SEPTIN10: variants seen among roughly 807,000 people sequenced by gnomAD.
SEPTIN10 encodes septin 10, also known as septin-10.
A neutral mutation model predicts 54.8 loss-of-function variants in SEPTIN10; 66 were observed. That is an observed-to-expected ratio of 1.21 (90% confidence interval 0.99 to 1.48). The LOEUF (loss-of-function observed/expected upper bound fraction) is 1.48, where lower values mean the gene tolerates loss of function less well. Among genes scored for constraint, SEPTIN10 ranks in the 40% most tolerant of loss-of-function variants. The pLI is 0.00. For missense variants in SEPTIN10, 620 were observed against 545.6 expected (o/e 1.14, Z -1.36); for synonymous variants, 161 against 181.0 (o/e 0.89, Z 0.89).
At chr2:109,593,534 T>C (rs1353310790) in intron 1 of SEPTIN10, among the ~76,000 whole-genome samples, 1 of 151,478 alleles carries the variant, frequency 6.6e-6, no homozygotes, top group Non-Finnish European at 1.5e-5. Flanking sequence ...GCCTCCTGAG[T>C]AGCTGGGATT....
At chr2:109,606,943 C>T (rs907616713) in intron 1 of SEPTIN10, among the ~76,000 whole-genome samples, 13 of 152,080 alleles carry the variant, frequency 8.5e-5, no homozygotes, top group East Asian at 1.9e-4. Context: ...TGAGCCACCA[C>T]GCCCAGCAAA....
At chr2:109,573,926 C>G (rs1348068679) in intron 5 of SEPTIN10, among the ~76,000 whole-genome samples, 1 of 152,078 alleles carries the variant, frequency 6.6e-6, no homozygotes, top group African/African-American at 2.4e-5. Context: ...AGACCTTAAT[C>G]CTTGTTAATG....
rs373704110 is a variant in SEPTIN10, at chr2:109,585,728, G to A, written c.210C>T (p.Leu70=). The change falls in exon 3 of 11, where the codon CTC becomes CTT. Residue 70 remains leucine, a synonymous_variant. Transcript: ENST00000397712. ...AGAGTAGGTGGCACGTACCCACACAGAGAATATTAAAGCAGAAACCTTGCT... is the reference window on the plus strand; with the variant it reads ...AGAGTAGGTGGCACGTACCCACACAAAGAATATTAAAGCAGAAACCTTGCT... ...SIQQGFCFNI[L]CVGETGIGKS... The A allele has an allele frequency of 6.2e-7, 1 of 1,610,486 alleles. No individual in the cohort carries two copies. The highest frequency in any genetic ancestry group is 1.3e-5 in the African/African-American group (1 of 74,832).
chr2:109,600,233 G>A (rs1329008891), intron 1 of SEPTIN10, among the ~76,000 whole-genome samples: 1 of 151,996 alleles, frequency 6.6e-6, no homozygotes, highest in Admixed American at 6.6e-5. Context: ...TTAAGATCTG[G>A]ATCAGGGCCT....
At chr2:109,575,453 G>A (rs1689477996) in intron 4 of SEPTIN10, among the ~76,000 whole-genome samples, 1 of 152,176 alleles carries the variant, frequency 6.6e-6, no homozygotes, top group South Asian at 2.1e-4. Context: ...CAAAGGAAAG[G>A]CCAATTACAT....
At chr2:109,545,530 A>G (rs1283872839) in intron 10 of SEPTIN10, 1 of 1,535,932 alleles carries the variant, frequency 6.5e-7, no homozygotes, top group East Asian at 2.4e-5. Context: ...GTTCGAATCG[A>G]CAGCCTGGTT....
intron 4 of SEPTIN10, among the ~76,000 whole-genome samples, chr2:109,580,241 A>G (rs1690780236): frequency 6.6e-6 from 1 of 152,026 alleles, no homozygotes; most frequent in South Asian, 2.1e-4. Context: ...TTATGATCTC[A>G]GAATGGTATC....
intron 4 of SEPTIN10, among the ~76,000 whole-genome samples, chr2:109,575,850 T>A (rs779292532): frequency 6.6e-6 from 1 of 152,216 alleles, no homozygotes; most frequent in Non-Finnish European, 1.5e-5. Context: ...GACCTTTTAG[T>A]CCTTGAGGAT....
intron 10 of SEPTIN10, chr2:109,545,711 C>T (rs1681028976): frequency 1.4e-6 from 2 of 1,453,192 alleles, no homozygotes; most frequent in South Asian, 1.5e-5. Context: ...AGGTCAGCAG[C>T]CATTAGCTGT....
chr2:109,610,152 G>T (rs747322582), intron 1 of SEPTIN10, among the ~76,000 whole-genome samples: 1 of 151,346 alleles, frequency 6.6e-6, no homozygotes, highest in Non-Finnish European at 1.5e-5. Context: ...GCAGTGGCGC[G>T]ATCTCAGCTT....
intron 1 of SEPTIN10, among the ~76,000 whole-genome samples, chr2:109,596,894 C>A (rs1695428014): frequency 6.6e-6 from 1 of 152,074 alleles, no homozygotes; most frequent in African/African-American, 2.4e-5. Flanking sequence ...AGTTAAATTT[C>A]CAAAACAAGT....
At chr2:109,564,284 T>C in intron 8 of SEPTIN10, 82 bp downstream of exon 8, 1 of 1,239,220 alleles carries the variant, frequency 8.1e-7, no homozygotes, top group South Asian at 2.7e-5. Flanking sequence ...AAAGAACACA[T>C]GCCCCATCAT....
intron 8 of SEPTIN10, among the ~76,000 whole-genome samples, chr2:109,555,379 T>A (rs943743406): frequency 5.3e-5 from 8 of 152,298 alleles, no homozygotes; most frequent in African/African-American, 1.9e-4. Flanking sequence ...GTGGCCACTG[T>A]CCACCTTCTA....
At chr2:109,569,025 A>G (rs888714783) in intron 5 of SEPTIN10, among the ~76,000 whole-genome samples, 11 of 152,226 alleles carry the variant, frequency 7.2e-5, no homozygotes, top group African/African-American at 2.7e-4. Context: ...AGCTCCACAA[A>G]TTTGTGACTG....
intron 9 of SEPTIN10, among the ~76,000 whole-genome samples, chr2:109,546,892 T>C (rs928117171): frequency 1.3e-5 from 2 of 152,148 alleles, no homozygotes; most frequent in Non-Finnish European, 2.9e-5. Context: ...AGATAAAGAA[T>C]AAATTAATGC....
At chr2:109,545,166 A>G in intron 10 of SEPTIN10, 4 of 985,060 alleles carry the variant, frequency 4.1e-6, no homozygotes, top group Non-Finnish European at 4.8e-6. Flanking sequence ...CAACGCTGCT[A>G]GCACAGAGGT....
rs995885876 is a variant in SEPTIN10, at chr2:109,558,874, A to G, written c.1028+5492T>C. 4.0e-5 allele frequency among the ~76,000 whole-genome samples: 6 copies of G among 151,604 alleles called. 1 individual carries two copies. Among genetic ancestry groups the G allele is most frequent in the Admixed American group, 3.3e-4 (5 of 15,200 alleles). On this transcript the variant is annotated intron_variant, in intron 8 of 10. Coordinates refer to ENST00000397712, the MANE Select transcript of SEPTIN10 (RefSeq NM_144710.5). ...CAAATTAAATAGGAAAAGACTCCCGAGAAAACAGATATAAATTCTTTTTTT... is the reference window on the plus strand; with the variant it reads ...CAAATTAAATAGGAAAAGACTCCCGGGAAAACAGATATAAATTCTTTTTTT...
chr2:109,611,111 T>C (rs142914890), intron 1 of SEPTIN10, among the ~76,000 whole-genome samples: 1 of 152,222 alleles, frequency 6.6e-6, no homozygotes. Context: ...CAACAAATGG[T>C]GCTGGAGCAA....
chr2:109,553,267 G>C (rs768771297), intron 8 of SEPTIN10, 48 bp from the exon 9 acceptor site: 1 of 1,600,342 alleles, frequency 6.2e-7, no homozygotes, highest in East Asian at 2.2e-5. Flanking sequence ...GATATAGGTC[G>C]GGTATGGCGG....
Sources: gnomAD v4.1 joint callset for allele counts (sites outside exome capture counted in the v4.1 genomes callset) on GRCh38, gnomAD v4.1.1 for gene constraint, MANE v1.5 for transcripts, NCBI Gene and HGNC (gene_info 2026-07-23, HGNC 2026-07-21) for gene names.